PAAF1: variants seen among roughly 807,000 people sequenced by gnomAD.
The protein encoded by PAAF1 is proteasomal ATPase-associated factor 1.
A neutral mutation model predicts 52.8 loss-of-function variants in PAAF1; 46 were observed. That is an observed-to-expected ratio of 0.87 (90% confidence interval 0.69 to 1.11). PAAF1 has a LOEUF of 1.11. Ranked by LOEUF, PAAF1 falls within the 50% of genes most tolerant of loss-of-function variation. The pLI, the probability that PAAF1 is intolerant of heterozygous loss-of-function variation, is 0.00. For missense variants in PAAF1, 424 were observed against 477.4 expected (o/e 0.89, Z 1.04); for synonymous variants, 178 against 172.8 (o/e 1.03, Z -0.24).
intron 10 of PAAF1, 88 bp from the exon 11 acceptor site, chr11:73,924,527 G>A (rs1334211109): frequency 2.0e-5 from 21 of 1,072,504 alleles, no homozygotes; most frequent in Non-Finnish European, 2.7e-5. Flanking sequence ...TTACACTAGT[G>A]ATCTACAGAA....
At chr11:73,897,946 C>T (rs1002174158) in intron 4 of PAAF1, among the ~76,000 whole-genome samples, 2 of 152,062 alleles carry the variant, frequency 1.3e-5, no homozygotes, top group African/African-American at 2.4e-5. Context: ...CTCGGGAGGC[C>T]GAGGCTGGCG....
chr11:73,893,738 C>CAAAAAAAAAAAAAAAAAAA (rs564348245), intron 4 of PAAF1, among the ~76,000 whole-genome samples: 1 of 71,962 alleles, frequency 1.4e-5, no homozygotes, highest in African/African-American at 5.6e-5. Flanking sequence ...ACTCTGTCTC[C>CAAAAAAAAAAAAAAAAAAA]AAAAAAAAAA....
chr11:73,904,108 T>C (rs1280875344), intron 6 of PAAF1, among the ~76,000 whole-genome samples: 1 of 151,736 alleles, frequency 6.6e-6, no homozygotes, highest in Non-Finnish European at 1.5e-5. Flanking sequence ...TATATATATA[T>C]ACATAAATTG....
chr11:73,880,869 G>A (rs544686883), intron 2 of PAAF1, among the ~76,000 whole-genome samples: 86 of 151,788 alleles, frequency 5.7e-4, no homozygotes, highest in African/African-American at 2.1e-3. Flanking sequence ...GCGTGGTGGT[G>A]CATGCCTGTA....
chr11:73,908,347 GTGTA>G (rs2135196754), intron 6 of PAAF1, among the ~76,000 whole-genome samples: 1 of 144,344 alleles, frequency 6.9e-6, no homozygotes, highest in African/African-American at 2.6e-5. Flanking sequence ...GTGTATATAT[GTGTA>G]TATATGTGTG....
At chr11:73,924,027 A>C (rs1183283212) in intron 10 of PAAF1, among the ~76,000 whole-genome samples, 1 of 151,920 alleles carries the variant, frequency 6.6e-6, no homozygotes. Context: ...ACACACACAC[A>C]CCTGTGGTTG....
chr11:73,923,953 G>T (rs1187910362), intron 10 of PAAF1, among the ~76,000 whole-genome samples: 3 of 151,790 alleles, frequency 2.0e-5, no homozygotes, highest in Non-Finnish European at 4.4e-5. Flanking sequence ...AAATGTTAAA[G>T]ACATTTTTTA....
chr11:73,894,649 TA>T (rs1031446442), intron 4 of PAAF1, among the ~76,000 whole-genome samples: 11 of 150,190 alleles, frequency 7.3e-5, no homozygotes, highest in South Asian at 2.1e-4. Context: ...AAAAATCTAC[TA>T]AAAAAAATAA....
rs995538556 is a variant in PAAF1 at position 73,930,384 on chromosome 11, GAAAA to G, written c.*3026_*3029del. The G allele has an allele frequency of 6.9e-6, 1 of 145,780 alleles. No homozygotes were observed. Among genetic ancestry groups the G allele is most frequent in the Non-Finnish European group, 1.5e-5 (1 of 65,932 alleles). The allele number at this position is 145,780 out of a possible 1,614,324, so 9.0% of individuals were successfully genotyped here. On this transcript the variant is annotated 3_prime_UTR_variant, in exon 12 of 12. Transcript: ENST00000310571. ...GGCTCTATCTCAAGAAAAAAAAAAAGAAAAAAAGAAAACAGGAAGAAATGTTGTC... is the reference window on the plus strand; with the variant it reads ...GGCTCTATCTCAAGAAAAAAAAAAAGAAAGAAAACAGGAAGAAATGTTGTC...
In PAAF1 at chr11:73,914,496, A is replaced by C; in HGVS notation, c.811A>C (p.Arg271=). Residue 271 remains arginine (R), a synonymous_variant, in exon 8 of 12, where the codon AGG becomes CGG. Transcript: ENST00000310571. ...KKLQCLGLQS[R]QLVFLFIGSD... is the part of the protein sequence containing the mutation. The stretch of plus-strand genomic sequence containing the variant: ...ACTTCAGTGCTTGGGACTACAGAGC[A>C]GGCAGCTGGCAAGTGGTTCCTATAT... 6.2e-7 allele frequency: 1 copy of C among 1,613,992 alleles called. No homozygotes were observed. The highest frequency in any genetic ancestry group is 2.2e-5 in the East Asian group (1 of 44,876).
chr11:73,899,092 G>T, intron 4 of PAAF1, 54 bp from the exon 5 acceptor site: 1 of 1,379,126 alleles, frequency 7.3e-7, no homozygotes. Context: ...ATATTTCAAG[G>T]GAATAAGAGT....
intron 6 of PAAF1, among the ~76,000 whole-genome samples, chr11:73,906,793 A>G (rs548216620): frequency 1.4e-4 from 21 of 152,338 alleles, no homozygotes; most frequent in African/African-American, 3.8e-4. Flanking sequence ...GTTGCTGTAG[A>G]GTTTTTGTCA....
intron 8 of PAAF1, 93 bp downstream of exon 8, chr11:73,914,597 C>A: frequency 9.9e-7 from 1 of 1,014,174 alleles, no homozygotes; most frequent in Admixed American, 2.0e-5. Context: ...TACTTGCTCC[C>A]TGTGTTCACT....
chr11:73,905,214 T>C (rs1040760362), intron 6 of PAAF1, among the ~76,000 whole-genome samples: 2 of 152,120 alleles, frequency 1.3e-5, no homozygotes, highest in Admixed American at 6.6e-5. Context: ...AAAGGCATTC[T>C]TGAAATTGCT....
chr11:73,901,462 C>T (rs1389892316), intron 6 of PAAF1, among the ~76,000 whole-genome samples: 1 of 152,004 alleles, frequency 6.6e-6, no homozygotes. Context: ...TTCCTTGATC[C>T]TTCTTCTGGA....
chr11:73,921,653 C>G, intron 10 of PAAF1: 1 of 715,526 alleles, frequency 1.4e-6, no homozygotes, highest in Non-Finnish European at 2.6e-6. Context: ...GCCCGTGCTC[C>G]TTTCACTGTC....
chr11:73,895,205 A>G (rs1199475956), intron 4 of PAAF1, among the ~76,000 whole-genome samples: 1 of 152,212 alleles, frequency 6.6e-6, no homozygotes. Flanking sequence ...AGAGAAAAGG[A>G]GGAGTTGGGA....
rs1016223171 is a variant in PAAF1, at chr11:73,928,800, C to T, written c.*1438C>T. On this transcript the variant is annotated 3_prime_UTR_variant, in exon 12 of 12. Transcript: ENST00000310571. ...GTGCGATCTTGGCTCACTGCAACCT[C>T]CACCTCTCAGGTTCAAACGATTCTC... 6.6e-6 allele frequency: 1 copy of T among 152,256 alleles called. No individual in the cohort carries two copies. Among genetic ancestry groups the T allele is most frequent in the Non-Finnish European group, 1.5e-5 (1 of 68,066 alleles). 9.4% of individuals were successfully genotyped at this position (152,256 alleles called of 1,614,324 possible).
At chr11:73,902,926 C>T (rs989589362) in intron 6 of PAAF1, among the ~76,000 whole-genome samples, 2 of 152,134 alleles carry the variant, frequency 1.3e-5, no homozygotes, top group Non-Finnish European at 2.9e-5. Flanking sequence ...GTCTCAAACT[C>T]CTGACCTTGT....
Sources: allele counts gnomAD v4.1 joint callset (sites outside exome capture counted in the v4.1 genomes callset), GRCh38; gene constraint gnomAD v4.1.1; transcripts MANE v1.5; gene names NCBI Gene and HGNC (gene_info 2026-07-23, HGNC 2026-07-21).